ZNF800: variants seen among roughly 807,000 people sequenced by gnomAD.
ZNF800 encodes the protein zinc finger protein 800.
In ZNF800, 13 loss-of-function variants were observed where a neutral mutation model predicts 59.5. The observed-to-expected ratio is 0.22, with a 90% CI of 0.14 to 0.35. The LOEUF is 0.35. Ranked by LOEUF, ZNF800 falls within the 10% of genes least tolerant of loss-of-function variation. ZNF800 has a pLI of 1.00. For synonymous variants in ZNF800, 266 were observed against 265.7 expected, an observed-to-expected ratio of 1.00 and a Z score of -0.01; for missense variants, 621 against 783.7, an observed-to-expected ratio of 0.79 and a Z score of 2.48.
At chr7:127,367,319 A>C (rs967223746), downstream of ZNF800, among the ~76,000 whole-genome samples, 14 of 152,274 alleles carry the variant, frequency 9.2e-5, no homozygotes, top group African/African-American at 3.4e-4. Flanking sequence ...AACTCAAAAA[A>C]AGAGCATAAC....
chr7:127,347,160 T>C (rs1028494911), exon 2 of ZNF800: 1 of 152,248 alleles, frequency 6.6e-6, no homozygotes, highest in Admixed American at 6.5e-5. Flanking sequence ...ATTCTAATGA[T>C]GACATGGTCT....
intron 4 of ZNF800, among the ~76,000 whole-genome samples, chr7:127,375,512 T>C (rs889048309): frequency 6.6e-6 from 1 of 152,102 alleles, no homozygotes; most frequent in Non-Finnish European, 1.5e-5. Flanking sequence ...TAATCTAATC[T>C]AGTCTATTTG....
At chr7:127,390,935 TAAAA>T (rs1295413343) in intron 2 of ZNF800, among the ~76,000 whole-genome samples, 8 of 152,168 alleles carry the variant, frequency 5.3e-5, no homozygotes, top group African/African-American at 1.7e-4. Context: ...TCTACCTAAA[TAAAA>T]AAAGAGATTT....
At chr7:127,361,734 A>C (rs1438738336) in intron 1 of ZNF800, 2 of 152,116 alleles carry the variant, frequency 1.3e-5, no homozygotes, top group African/African-American at 4.8e-5. Flanking sequence ...GAGTGAATGG[A>C]ATTATATGTA....
At chr7:127,353,898 GA>G (rs1800219372) in intron 1 of ZNF800, among the ~76,000 whole-genome samples, 1 of 151,398 alleles carries the variant, frequency 6.6e-6, no homozygotes. Context: ...TTATATAGAT[GA>G]TCATGAATCA....
At chr7:127,365,898 G>A (rs143741100), downstream of ZNF800, among the ~76,000 whole-genome samples, 8 of 152,188 alleles carry the variant, frequency 5.3e-5, no homozygotes, top group African/African-American at 1.9e-4. Context: ...GAAAGAAACC[G>A]ATACAAGTTC....
rs1376845689 is a variant in ZNF800, at chr7:127,375,105, T to C, written c.302-71A>G. On this transcript the variant is annotated intron_variant, in intron 4 of 5. Transcript: ENST00000265827. ...TGTAGCCCTCTAATATTTTAAGATATATTATGAACCTCTATCTCAGAATAT... is the reference window on the plus strand; with the variant it reads ...TGTAGCCCTCTAATATTTTAAGATACATTATGAACCTCTATCTCAGAATAT... The C allele has an allele frequency of 3.9e-6, 5 of 1,270,848 alleles. No homozygotes were observed. In the African/African-American group the frequency reaches 7.4e-5, roughly 19 times the overall value. The allele number at this position is 1,270,848 out of a possible 1,614,324, so 78.7% of individuals were successfully genotyped here. A position where few individuals can be genotyped will look rare whatever the true frequency, so the allele number is the denominator to read the frequency against.
At chr7:127,346,360 A>G (rs1800063784), downstream of ZNF800, among the ~76,000 whole-genome samples, 1 of 152,210 alleles carries the variant, frequency 6.6e-6, no homozygotes, top group South Asian at 2.1e-4. Flanking sequence ...GTAAAAATGA[A>G]TTGGCTGAAC....
At position 127,373,896 on chromosome 7, in the gene ZNF800, G is replaced by A. The variant is rs1800704460; in HGVS notation, c.1440C>T (p.Gly480=). 5.0e-6 allele frequency: 8 copies of A among 1,614,150 alleles called. No homozygotes were observed. The highest frequency in any genetic ancestry group is 5.9e-6 in the Non-Finnish European group (7 of 1,180,020). Residue 480 remains glycine (G), a synonymous_variant, in exon 5 of 6, where the codon GGC becomes GGT. Transcript: ENST00000265827. ...TACAGTAAAGTTGCTTAAAGTCAAA[G>A]CCAGCTGAAAGTTTTGGTTTTCTGG... ...QKTRKPKLSA[G]FDFKQLYCKL... is the part of the protein sequence containing the mutation.
chr7:127,354,526 G>A (rs1453623547), intron 1 of ZNF800, among the ~76,000 whole-genome samples: 1 of 152,038 alleles, frequency 6.6e-6, no homozygotes, highest in Non-Finnish European at 1.5e-5. Flanking sequence ...GCTACCATCT[G>A]TGTGAAGGAC....
intron 3 of ZNF800, among the ~76,000 whole-genome samples, chr7:127,382,136 CTCT>C (rs1249678419): frequency 1.3e-5 from 2 of 152,106 alleles, no homozygotes; most frequent in African/African-American, 4.8e-5. Flanking sequence ...TTATATATTT[CTCT>C]TCTTACAATA....
At chr7:127,376,810 T>C (rs1800799749) in intron 4 of ZNF800, among the ~76,000 whole-genome samples, 2 of 151,986 alleles carry the variant, frequency 1.3e-5, no homozygotes, top group Non-Finnish European at 2.9e-5. Context: ...ATCAATCACA[T>C]CTGGTTGCAA....
intron 1 of ZNF800, among the ~76,000 whole-genome samples, chr7:127,354,472 TG>T (rs1359428582): frequency 5.4e-5 from 8 of 148,170 alleles, no homozygotes; most frequent in African/African-American, 2.0e-4. Context: ...TTTCAGACAT[TG>T]TTAAGTAAAA....
chr7:127,391,916 CGCGGCGGGCACCGCCGG>C (rs1801335027), intron 1 of ZNF800, 127 bp downstream of exon 1: 1 of 367,860 alleles, frequency 2.7e-6, no homozygotes, highest in South Asian at 1.5e-4. Flanking sequence ...GAGCGCAGAG[CGCGGCGGGCACCGCCGG>C]GCTCCGGGAC....
rs751726676 is a variant in ZNF800, at chr7:127,373,780, T to C, written c.1556A>G (p.Tyr519Cys). 6.2e-7 allele frequency: 1 copy of C among 1,614,190 alleles called. No homozygotes were observed. The highest frequency in any genetic ancestry group is 8.5e-7 in the Non-Finnish European group (1 of 1,180,018). The change falls in exon 5 of 6, where the codon TAC (tyrosine) becomes TGC (cysteine). Residue 519 changes from tyrosine (Y) to cysteine (C), a missense_variant. Tyr to Cys is a radical substitution (Grantham distance 194, BLOSUM62 -2). Coordinates refer to ENST00000265827, the MANE Select transcript of ZNF800 (RefSeq NM_176814.5). Reference sequence around the variant, plus strand: ...TTCATAAGTGCAAAGAGGACACTTGTAGAATTTAACATAAATGTTATTTCC... The same window carrying C: ...TTCATAAGTGCAAAGAGGACACTTGCAGAATTTAACATAAATGTTATTTCC... The part of the protein sequence containing the change: ...TDGNNIYVKF[Y>C]KCPLCTYETR...
At chr7:127,344,826 C>A (rs1290266083), downstream of ZNF800, among the ~76,000 whole-genome samples, 1 of 151,902 alleles carries the variant, frequency 6.6e-6, no homozygotes, top group African/African-American at 2.4e-5. Context: ...CTTAATCACA[C>A]CTATATCAAA....
chr7:127,359,229 T>C (rs1245157870), intron 1 of ZNF800, among the ~76,000 whole-genome samples: 5 of 111,292 alleles, frequency 4.5e-5, no homozygotes, highest in Admixed American at 9.5e-5. Context: ...TGTAAACAAA[T>C]CTAGCTGTCA....
intron 2 of ZNF800, 36 bp from the exon 3 acceptor site, chr7:127,386,191 A>G (rs778968778): frequency 1.6e-6 from 2 of 1,275,482 alleles, no homozygotes; most frequent in South Asian, 2.5e-5. Context: ...CAATCCCCAC[A>G]AAAAAAGGGT....
chr7:127,373,178 T>C, intron 5 of ZNF800, 164 bp downstream of exon 5: 1 of 985,470 alleles, frequency 1.0e-6, no homozygotes, highest in Non-Finnish European at 1.2e-6. Flanking sequence ...TAAAGGTCAC[T>C]GAAGAGGTAA....
Sources: allele counts gnomAD v4.1 joint callset (sites outside exome capture counted in the v4.1 genomes callset), GRCh38; gene constraint gnomAD v4.1.1; transcripts MANE v1.5; gene names NCBI Gene and HGNC (gene_info 2026-07-23, HGNC 2026-07-21).